The following NAALADL2 variants were observed in gnomAD, a reference collection of about 807,000 sequenced individuals.
The protein encoded by NAALADL2 is N-acetylated alpha-linked acidic dipeptidase like 2.
NAALADL2 carries 76 observed loss-of-function variants against 87.2 expected under a neutral mutation model. The observed-to-expected ratio is 0.87, with a 90% CI of 0.72 to 1.05. The LOEUF is 1.05. NAALADL2 is among the 50% of genes least tolerant of loss of function. The pLI, the probability that NAALADL2 is intolerant of heterozygous loss-of-function variation, is 0.00. For synonymous variants in NAALADL2, 354 were observed against 331.0 expected (o/e 1.07, Z -0.75); for missense variants, 1,089 against 945.8 (o/e 1.15, Z -1.99).
intron 1 of NAALADL2, among the ~76,000 whole-genome samples, chr3:174,935,521 G>T (rs530211073): frequency 1.3e-3 from 196 of 152,228 alleles, no homozygotes; most frequent in Non-Finnish European, 2.2e-3. Context: ...AATTGAATTA[G>T]TAGTGGTGGA....
chr3:175,038,472 T>C (rs1753680696), intron 1 of NAALADL2, among the ~76,000 whole-genome samples: 1 of 152,170 alleles, frequency 6.6e-6, no homozygotes, highest in Non-Finnish European at 1.5e-5. Flanking sequence ...GTTGTAGACC[T>C]TTGACAAGGT....
intron 2 of NAALADL2, among the ~76,000 whole-genome samples, chr3:174,579,993 A>AT (rs536088155): frequency 1.3e-5 from 2 of 151,976 alleles, no homozygotes; most frequent in Non-Finnish European, 1.5e-5. Flanking sequence ...AGAAATTGCT[A>AT]TTTTTTTAAG....
At chr3:174,687,512 TAATAA>T (rs960584234) in intron 2 of NAALADL2, among the ~76,000 whole-genome samples, 19 of 152,130 alleles carry the variant, frequency 1.2e-4, no homozygotes, top group Admixed American at 1.1e-3. Flanking sequence ...TGTATCTAAC[TAATAA>T]AATAGAATTA....
At chr3:174,816,350 G>A (rs1278860693) in intron 3 of NAALADL2, among the ~76,000 whole-genome samples, 3 of 150,670 alleles carry the variant, frequency 2.0e-5, no homozygotes, top group East Asian at 2.0e-4. Context: ...ATGTGGATTT[G>A]TGCTGTCTTG....
At chr3:174,855,290 A>G (rs944446939), upstream of NAALADL2, among the ~76,000 whole-genome samples, 1 of 152,096 alleles carries the variant, frequency 6.6e-6, no homozygotes, top group African/African-American at 2.4e-5. Context: ...TCCCTAGGCG[A>G]TAGGAAAATT....
At chr3:174,608,276 A>G (rs951023398) in intron 2 of NAALADL2, among the ~76,000 whole-genome samples, 8 of 152,144 alleles carry the variant, frequency 5.3e-5, no homozygotes, top group Non-Finnish European at 1.2e-4. Flanking sequence ...CAAGAGCAAA[A>G]GCATTCAGAA....
intron 4 of NAALADL2, among the ~76,000 whole-genome samples, chr3:175,301,519 A>C (rs954288785): frequency 1.3e-5 from 2 of 152,206 alleles, no homozygotes; most frequent in Non-Finnish European, 2.9e-5. Context: ...TCTGTATTAT[A>C]CATTTCTGAT....
intron 2 of NAALADL2, among the ~76,000 whole-genome samples, chr3:175,223,854 A>G (rs1248432366): frequency 1.3e-5 from 2 of 152,190 alleles, no homozygotes; most frequent in Admixed American, 1.3e-4. Flanking sequence ...AAAGAGAAGA[A>G]GGGAAGTTAC....
chr3:175,653,405 A>T (rs1435407694), intron 11 of NAALADL2, among the ~76,000 whole-genome samples: 1 of 152,008 alleles, frequency 6.6e-6, no homozygotes, highest in Non-Finnish European at 1.5e-5. Flanking sequence ...TTCTAACGTT[A>T]ATTTGTTTTC....
At chr3:175,748,418 A>G (rs979174964) in intron 12 of NAALADL2, among the ~76,000 whole-genome samples, 1 of 152,222 alleles carries the variant, frequency 6.6e-6, no homozygotes, top group Admixed American at 6.5e-5. Flanking sequence ...ATTAGGTAAT[A>G]TACATTTTCC....
At chr3:175,791,756 T>C (rs965277925) in intron 13 of NAALADL2, among the ~76,000 whole-genome samples, 1 of 151,832 alleles carries the variant, frequency 6.6e-6, no homozygotes. Context: ...ATATTGTATA[T>C]AAAATATATA....
intron 2 of NAALADL2, among the ~76,000 whole-genome samples, chr3:174,682,874 C>T (rs1290003471): frequency 1.3e-5 from 2 of 152,174 alleles, no homozygotes; most frequent in East Asian, 3.9e-4. Context: ...CATCCACAAA[C>T]ATCAAGACCA....
rs546419914 is a variant in NAALADL2, at chr3:175,225,583, T to C, written c.546-8348T>C. Among the ~76,000 whole-genome samples, 4 of 152,256 alleles carry C rather than the reference T, an allele frequency of 2.6e-5. No individual in the cohort carries two copies. In the South Asian group the frequency reaches 8.3e-4, roughly 32 times the overall value. ...TTATTTTGAAGTGTGGTAAAGTAAATATGCTTATTTTGAAGTGTGATAAAG... is the reference window on the plus strand; with the variant it reads ...TTATTTTGAAGTGTGGTAAAGTAAACATGCTTATTTTGAAGTGTGATAAAG... On this transcript the variant is annotated intron_variant, in intron 2 of 13. Transcript: ENST00000454872.
chr3:175,670,390 T>G (rs987735269), intron 11 of NAALADL2, among the ~76,000 whole-genome samples: 1 of 148,476 alleles, frequency 6.7e-6, no homozygotes, highest in Admixed American at 6.7e-5. Context: ...TTATAACATT[T>G]AATTATATTA....
chr3:175,487,939 G>A (rs1266160809), intron 9 of NAALADL2, among the ~76,000 whole-genome samples: 2 of 152,150 alleles, frequency 1.3e-5, no homozygotes, highest in Non-Finnish European at 2.9e-5. Flanking sequence ...GTCTGGGAAA[G>A]ACTGGCACCA....
intron 9 of NAALADL2, among the ~76,000 whole-genome samples, chr3:175,483,344 CT>C (rs1367430473): frequency 1.5e-5 from 2 of 137,634 alleles, no homozygotes; most frequent in Non-Finnish European, 3.2e-5. Flanking sequence ...TTTTTTTTAA[CT>C]TTCCTTTTCT....
intron 1 of NAALADL2, among the ~76,000 whole-genome samples, chr3:175,026,919 G>A (rs966201715): frequency 6.6e-6 from 1 of 152,042 alleles, no homozygotes; most frequent in Non-Finnish European, 1.5e-5. Flanking sequence ...ATTTCTGCAG[G>A]CTGAATTTGG....
chr3:174,544,149 T>C (rs1433720050), intron 1 of NAALADL2, among the ~76,000 whole-genome samples: 1 of 152,230 alleles, frequency 6.6e-6, no homozygotes, highest in East Asian at 1.9e-4. Flanking sequence ...ACTGTTCCAG[T>C]TTTTTCTTTT....
In NAALADL2 at chr3:175,440,397, A is replaced by AT. The variant is rs371672623; in HGVS notation, c.1091-6823dup. 2.9e-3 allele frequency among the ~76,000 whole-genome samples: 441 copies of AT among 151,192 alleles called. 1 individual carries two copies. The highest frequency in any genetic ancestry group is 4.2e-3 in the Non-Finnish European group (287 of 67,740). On this transcript the variant is annotated intron_variant, in intron 5 of 13. Transcript: ENST00000454872. ...TTTTTGGTTCCATATGAATTTTAGA[A>AT]TTTTTTTTTCTAGTTCTGTTAAGAA...
Sources: gnomAD v4.1 joint callset for allele counts (sites outside exome capture counted in the v4.1 genomes callset) on GRCh38, gnomAD v4.1.1 for gene constraint, MANE v1.5 for transcripts, NCBI Gene and HGNC (gene_info 2026-07-23, HGNC 2026-07-21) for gene names.